The following FILIP1L variants were observed in gnomAD, a reference collection of about 807,000 sequenced individuals.
FILIP1L encodes filamin A-interacting protein 1-like.
Under a neutral mutation model 96.6 loss-of-function variants are expected in FILIP1L, and 55 were observed. The observed-to-expected ratio is 0.57, with a 90% CI of 0.46 to 0.71. The LOEUF (loss-of-function observed/expected upper bound fraction) is 0.71, where lower values mean the gene tolerates loss of function less well. Ranked by LOEUF, FILIP1L falls within the 30% of genes least tolerant of loss-of-function variation. FILIP1L has a pLI of 0.00. For synonymous variants in FILIP1L, 467 were observed against 473.9 expected, an observed-to-expected ratio of 0.99 and a Z score of 0.19; for missense variants, 1,304 against 1,321.2, an observed-to-expected ratio of 0.99 and a Z score of 0.20.
At chr3:100,064,827 G>A (rs1285845401) in intron 1 of FILIP1L, among the ~76,000 whole-genome samples, 2 of 152,018 alleles carry the variant, frequency 1.3e-5, no homozygotes, top group Non-Finnish European at 2.9e-5. Context: ...TTCAGCAGTT[G>A]GATTTCCACA....
chr3:99,884,651 C>T (rs189063263), intron 4 of FILIP1L, among the ~76,000 whole-genome samples: 2 of 152,174 alleles, frequency 1.3e-5, no homozygotes, highest in Non-Finnish European at 1.5e-5. Context: ...ACCTAAAGAA[C>T]GAGGAAATGA....
intron 1 of FILIP1L, among the ~76,000 whole-genome samples, chr3:99,940,301 A>G (rs1398441225): frequency 1.3e-5 from 2 of 152,250 alleles, no homozygotes; most frequent in Non-Finnish European, 2.9e-5. Context: ...TTCCAACCCT[A>G]GATCAGAGCT....
intron 5 of FILIP1L, 62 bp downstream of exon 5, chr3:99,848,232 CT>C: frequency 6.3e-7 from 1 of 1,586,882 alleles, no homozygotes; most frequent in Non-Finnish European, 8.6e-7. Context: ...GATTGAGTTC[CT>C]TGCAAAAATA....
At chr3:99,886,515 A>G (rs1409730935) in intron 4 of FILIP1L, among the ~76,000 whole-genome samples, 1 of 152,130 alleles carries the variant, frequency 6.6e-6, no homozygotes, top group African/African-American at 2.4e-5. Flanking sequence ...CAACCCATGG[A>G]CCACGGCTTG....
rs996288912 is a variant in FILIP1L, at chr3:99,915,946, A to G, written c.605+8284T>C. Among the ~76,000 whole-genome samples, 5 of 152,348 alleles carry G rather than the reference A, an allele frequency of 3.3e-5. No homozygotes were observed. The East Asian group carries it at 5.8e-4, about 18-fold the overall frequency. On this transcript the variant is annotated intron_variant, in intron 4 of 5. Coordinates refer to ENST00000477258, the MANE Select transcript of FILIP1L (RefSeq NM_001387850.1). ...TTCTTGGCAACTCAAAAATATACCT[A>G]TTGGTATCATGCAGAGTACATAAGT...
At chr3:99,880,874 GTATGTGTATGTA>G (rs892599879) in intron 4 of FILIP1L, among the ~76,000 whole-genome samples, 1 of 152,046 alleles carries the variant, frequency 6.6e-6, no homozygotes, top group Non-Finnish European at 1.5e-5. Context: ...GATGGACCCT[GTATGTGTATGTA>G]TATGTGTATG....
At chr3:99,983,389 A>AATAAATATATATATAT (rs1302972402) in intron 1 of FILIP1L, among the ~76,000 whole-genome samples, 12 of 40,796 alleles carry the variant, frequency 2.9e-4, no homozygotes, top group African/African-American at 9.2e-4. Context: ...TAAATAAATA[A>AATAAATATATATATAT]ATATATATAT....
intron 1 of FILIP1L, among the ~76,000 whole-genome samples, chr3:99,959,782 CAATT>C (rs1190979950): frequency 6.6e-6 from 1 of 152,090 alleles, no homozygotes; most frequent in Admixed American, 6.5e-5. Flanking sequence ...GTATAGAAAA[CAATT>C]AAAGGAAGGG....
chr3:99,941,111 G>A (rs751143869), intron 1 of FILIP1L, among the ~76,000 whole-genome samples: 3 of 152,142 alleles, frequency 2.0e-5, no homozygotes, highest in Non-Finnish European at 4.4e-5. Flanking sequence ...TCTCTTTTTA[G>A]GGGAAGAGAG....
intron 4 of FILIP1L, among the ~76,000 whole-genome samples, chr3:99,875,863 A>G (rs1315485924): frequency 6.6e-5 from 10 of 152,178 alleles, no homozygotes; most frequent in Non-Finnish European, 7.4e-5. Context: ...TAAATCTCTA[A>G]TCTGTTTTCT....
In FILIP1L at chr3:99,965,780, G is replaced by C. The variant is rs969054162; in HGVS notation, c.-10-34750C>G. 7.9e-5 allele frequency among the ~76,000 whole-genome samples: 12 copies of C among 152,314 alleles called. No individual in the cohort carries two copies. In the South Asian group the frequency reaches 1.0e-3, roughly 13 times the overall value. ...GTTACCAGATGGAGGTCATTAGGGG[G>C]AGGGTGTTAAATGAAAATGCTTTAT... On this transcript the variant is annotated intron_variant, in intron 1 of 5. Coordinates refer to ENST00000477258, the MANE Select transcript of FILIP1L (RefSeq NM_001387850.1).
Position 99,843,405 on chromosome 3 carries a change from A to G in FILIP1L, c.3381+4890T>C, listed in dbSNP as rs1431891443. ...TTTAAATAAAAAGAAAACTTGGAGA[A>G]TAAACCTTCTGTTTGTCATGCCAGC... On this transcript the variant is annotated intron_variant, in intron 5 of 5. Transcript: ENST00000477258. Among the ~76,000 whole-genome samples, 5 of 152,348 alleles carry G rather than the reference A, an allele frequency of 3.3e-5. No homozygotes were observed. The South Asian group carries it at 6.2e-4, about 19-fold the overall frequency.
At chr3:99,889,772 A>C (rs902545303) in intron 4 of FILIP1L, among the ~76,000 whole-genome samples, 7 of 152,192 alleles carry the variant, frequency 4.6e-5, no homozygotes, top group Middle Eastern at 3.4e-3. Context: ...AATTCTCAAA[A>C]GTCTAAAGCT....
chr3:100,088,766 G>A (rs1576042596), intron 1 of FILIP1L, among the ~76,000 whole-genome samples: 1 of 150,958 alleles, frequency 6.6e-6, no homozygotes, highest in African/African-American at 2.4e-5. Flanking sequence ...TCATATTTTT[G>A]TCTCTCTTCT....
At chr3:100,052,254 T>G (rs1002002258) in intron 1 of FILIP1L, among the ~76,000 whole-genome samples, 1 of 152,234 alleles carries the variant, frequency 6.6e-6, no homozygotes, top group Non-Finnish European at 1.5e-5. Flanking sequence ...CATTGGAGTT[T>G]TGCATGAGCA....
intron 4 of FILIP1L, among the ~76,000 whole-genome samples, chr3:99,902,832 T>G (rs538146535): frequency 6.6e-6 from 1 of 152,316 alleles, no homozygotes; most frequent in East Asian, 1.9e-4. Context: ...GTAACTTCCA[T>G]GTGAAGATAG....
chr3:99,980,262 T>TAAA (rs1469957236), intron 1 of FILIP1L, among the ~76,000 whole-genome samples: 1 of 152,160 alleles, frequency 6.6e-6, no homozygotes, highest in East Asian at 1.9e-4. Flanking sequence ...CTGGATCTAC[T>TAAA]AATCTTACCT....
chr3:99,927,904 T>A (rs968292326), intron 3 of FILIP1L, among the ~76,000 whole-genome samples: 14 of 152,174 alleles, frequency 9.2e-5, no homozygotes, highest in African/African-American at 1.7e-4. Context: ...TAAGTCAGTG[T>A]TCCTGTCGTG....
intron 4 of FILIP1L, among the ~76,000 whole-genome samples, chr3:99,870,317 T>G (rs1944726587): frequency 6.6e-6 from 1 of 152,218 alleles, no homozygotes; most frequent in Admixed American, 6.5e-5. Context: ...CTAACATTTA[T>G]CCCTGTCAAT....
Sources: gnomAD v4.1 joint callset for allele counts (sites outside exome capture counted in the v4.1 genomes callset) on GRCh38, gnomAD v4.1.1 for gene constraint, MANE v1.5 for transcripts, NCBI Gene and HGNC (gene_info 2026-07-23, HGNC 2026-07-21) for gene names.